Variants in BICD1 observed in about 807,000 individuals in gnomAD.
The protein encoded by BICD1 is BICD cargo adaptor 1.
In BICD1, 35 loss-of-function variants were observed where a neutral mutation model predicts 92.5. That is an observed-to-expected ratio of 0.38 (90% CI 0.29 to 0.50). The LOEUF is 0.50. Ranked by LOEUF, BICD1 falls within the 20% of genes least tolerant of loss-of-function variation. The pLI is 0.93. For synonymous variants in BICD1, 429 were observed against 465.1 expected (o/e 0.92, Z 1.00); for missense variants, 950 against 1,189.8 (o/e 0.80, Z 2.97).
intron 1 of BICD1, among the ~76,000 whole-genome samples, chr12:32,145,890 T>C (rs1195078332): frequency 6.6e-6 from 1 of 152,236 alleles, no homozygotes; most frequent in African/African-American, 2.4e-5. Flanking sequence ...GTCTGAATTG[T>C]CAGCTTTGGT....
At chr12:32,107,729 A>C (rs1313930304) in intron 1 of BICD1, 185 bp downstream of exon 1, 6 of 772,288 alleles carry the variant, frequency 7.8e-6, no homozygotes, top group Non-Finnish European at 1.1e-5. Context: ...AAATTGCCTA[A>C]GAAATGAATA....
chr12:32,169,102 C>A (rs1482596001), intron 1 of BICD1, among the ~76,000 whole-genome samples: 1 of 152,042 alleles, frequency 6.6e-6, no homozygotes, highest in African/African-American at 2.4e-5. Context: ...AGAAGGTGGG[C>A]TCTGTGATTA....
At position 32,322,308 on chromosome 12, in the gene BICD1, T is replaced by C. The variant is rs1948680372; in HGVS notation, c.1006-5153T>C. On this transcript the variant is annotated intron_variant, in intron 4 of 9. Transcript: ENST00000652176. ...GATTTCAGCAGAAACGTATTAAATA[T>C]AGAAAGTAGTACTGTATAGCAGCAG... Among the ~76,000 whole-genome samples the C allele has an allele frequency of 4.6e-5, 7 of 152,316 alleles. No homozygotes were observed. The South Asian group carries it at 1.5e-3, about 32-fold the overall frequency.
In BICD1 at chr12:32,242,531, G is replaced by GA. The variant is rs74974111; in HGVS notation, c.426+26084dup. Among the ~76,000 whole-genome samples, 1,249 of 137,134 alleles carry GA rather than the reference G, an allele frequency of 9.1e-3. 6 individuals are homozygous for GA. The highest frequency in any genetic ancestry group is 0.02 in the East Asian group (97 of 4,852). The allele number at this position is 137,134 out of a possible 152,430, so 90.0% of individuals were successfully genotyped here. ...GACAGAGCGAGACTCTGTCTTAAAAGAAAAAAAAAAAATTCACAAAAGAAA... is the reference window on the plus strand; with the variant it reads ...GACAGAGCGAGACTCTGTCTTAAAAGAAAAAAAAAAAAATTCACAAAAGAAA... On this transcript the variant is annotated intron_variant, in intron 2 of 9. Coordinates refer to ENST00000652176, the MANE Select transcript of BICD1 (RefSeq NM_001714.4).
chr12:32,319,012 A>G (rs558010293), intron 4 of BICD1, among the ~76,000 whole-genome samples: 1 of 152,300 alleles, frequency 6.6e-6, no homozygotes, highest in South Asian at 2.1e-4. Flanking sequence ...ATACTTGCTT[A>G]TTAGTCCTAA....
chr12:32,170,906 C>T (rs894740236), intron 1 of BICD1, among the ~76,000 whole-genome samples: 1 of 152,150 alleles, frequency 6.6e-6, no homozygotes, highest in African/African-American at 2.4e-5. Context: ...CTGCCGAGGA[C>T]GAGAAGCCCT....
intron 8 of BICD1, among the ~76,000 whole-genome samples, chr12:32,348,734 A>G (rs1430889088): frequency 9.1e-4 from 3 of 3,308 alleles, no homozygotes; most frequent in Non-Finnish European, 1.4e-3. Context: ...ATATATATAT[A>G]TATATATATA....
chr12:32,324,428 A>G (rs1425341379), intron 4 of BICD1, among the ~76,000 whole-genome samples: 8 of 151,170 alleles, frequency 5.3e-5, no homozygotes, highest in Non-Finnish European at 7.4e-5. Context: ...TGTCATCCTC[A>G]TTTCTAAGTT....
At chr12:32,150,945 TAAC>T (rs999734951) in intron 1 of BICD1, among the ~76,000 whole-genome samples, 1 of 152,206 alleles carries the variant, frequency 6.6e-6, no homozygotes, top group African/African-American at 2.4e-5. Flanking sequence ...CTTGTAATCT[TAAC>T]ATCAATGGTA....
At chr12:32,356,547 C>T (rs983175570) in intron 8 of BICD1, among the ~76,000 whole-genome samples, 3 of 151,728 alleles carry the variant, frequency 2.0e-5, no homozygotes, top group African/African-American at 4.8e-5. Flanking sequence ...GTGGGAGGAT[C>T]GCCTGAACCC....
At chr12:32,300,801 T>C (rs1352717580) in intron 3 of BICD1, among the ~76,000 whole-genome samples, 17 of 148,958 alleles carry the variant, frequency 1.1e-4, no homozygotes, top group African/African-American at 1.3e-4. Context: ...CCCACCACCA[T>C]GCCCAGCTAA....
intron 3 of BICD1, among the ~76,000 whole-genome samples, chr12:32,304,662 C>T (rs990423682): frequency 2.0e-5 from 3 of 152,192 alleles, no homozygotes; most frequent in Non-Finnish European, 4.4e-5. Flanking sequence ...CGTGGGCCTT[C>T]ATGACCAAGA....
intron 1 of BICD1, among the ~76,000 whole-genome samples, chr12:32,127,764 A>G (rs1384491038): frequency 1.3e-5 from 2 of 152,184 alleles, no homozygotes; most frequent in East Asian, 1.9e-4. Flanking sequence ...AATAAGCATT[A>G]AGGAGGAGGA....
intron 1 of BICD1, among the ~76,000 whole-genome samples, chr12:32,160,771 TTTA>T (rs1206928743): frequency 2.0e-5 from 3 of 151,102 alleles, no homozygotes; most frequent in Non-Finnish European, 4.4e-5. Flanking sequence ...TGAAACATTT[TTTA>T]TTAAGTTTCA....
intron 4 of BICD1, among the ~76,000 whole-genome samples, chr12:32,306,430 G>C (rs568526702): frequency 1.4e-4 from 22 of 151,880 alleles, no homozygotes; most frequent in African/African-American, 5.1e-4. Flanking sequence ...ATTTTTAGTA[G>C]AGACGGGGTT....
At chr12:32,186,153 G>T (rs530672966) in intron 1 of BICD1, among the ~76,000 whole-genome samples, 3 of 152,274 alleles carry the variant, frequency 2.0e-5, no homozygotes, top group Admixed American at 6.5e-5. Context: ...AAACACTTGA[G>T]ATTCTGTGGC....
intron 2 of BICD1, among the ~76,000 whole-genome samples, chr12:32,224,358 C>T (rs1408139639): frequency 6.6e-6 from 1 of 152,214 alleles, no homozygotes; most frequent in African/African-American, 2.4e-5. Flanking sequence ...ATTTATTGAG[C>T]TCACCATATG....
intron 4 of BICD1, among the ~76,000 whole-genome samples, chr12:32,323,590 T>C (rs985945927): frequency 5.9e-5 from 9 of 152,258 alleles, no homozygotes; most frequent in Non-Finnish European, 8.8e-5. Flanking sequence ...ATTTGGTTTC[T>C]GCAGCCATAA....
At chr12:32,152,690 G>C (rs2121441789) in intron 1 of BICD1, among the ~76,000 whole-genome samples, 1 of 152,248 alleles carries the variant, frequency 6.6e-6, no homozygotes, top group African/African-American at 2.4e-5. Context: ...ATAGAGATTT[G>C]AGCAACATTA....
Sources: gnomAD v4.1 joint callset for allele counts (sites outside exome capture counted in the v4.1 genomes callset) on GRCh38, gnomAD v4.1.1 for gene constraint, MANE v1.5 for transcripts, NCBI Gene and HGNC (gene_info 2026-07-23, HGNC 2026-07-21) for gene names.